CRPPA: variants seen among roughly 807,000 people sequenced by gnomAD.
CRPPA encodes the protein D-ribitol-5-phosphate cytidylyltransferase.
CRPPA carries 43 observed loss-of-function variants against 52.0 expected under a neutral mutation model. That is an observed-to-expected ratio of 0.83 (90% CI 0.65 to 1.07). CRPPA has a LOEUF of 1.07. Among genes scored for constraint, CRPPA ranks in the 50% least tolerant of loss-of-function variants. The pLI is 0.00. For synonymous variants in CRPPA, 250 were observed against 203.5 expected (o/e 1.23, Z -1.94); for missense variants, 629 against 551.7 (o/e 1.14, Z -1.40).
chr7:16,247,888 G>A (rs1783323012), intron 8 of CRPPA: 1 of 152,062 alleles, frequency 6.6e-6, no homozygotes, highest in South Asian at 2.1e-4. Flanking sequence ...CTCTTAGCTT[G>A]GTACAGGAAC....
chr7:16,247,595 G>T (rs1295330257), intron 8 of CRPPA, among the ~76,000 whole-genome samples: 1 of 152,126 alleles, frequency 6.6e-6, no homozygotes, highest in Non-Finnish European at 1.5e-5. Context: ...TTAAAATATT[G>T]TGAGAATTAG....
intron 3 of CRPPA, among the ~76,000 whole-genome samples, chr7:16,341,539 C>A (rs1287025803): frequency 6.6e-6 from 1 of 152,156 alleles, no homozygotes; most frequent in African/African-American, 2.4e-5. Flanking sequence ...ACCTACAAGT[C>A]CTGTTTGTTG....
chr7:16,177,125 T>C (rs1014191423), intron 9 of CRPPA, among the ~76,000 whole-genome samples: 24 of 152,004 alleles, frequency 1.6e-4, no homozygotes, highest in Non-Finnish European at 3.2e-4. Context: ...AGAAGAGAAA[T>C]CAATAGTTGG....
At chr7:16,257,545 T>C (rs1488877529) in intron 8 of CRPPA, among the ~76,000 whole-genome samples, 2 of 152,100 alleles carry the variant, frequency 1.3e-5, no homozygotes, top group Admixed American at 1.3e-4. Flanking sequence ...GTTGCTAATT[T>C]GTTACTACTT....
At chr7:16,153,422 C>G (rs1013492580) in intron 9 of CRPPA, among the ~76,000 whole-genome samples, 1 of 151,858 alleles carries the variant, frequency 6.6e-6, no homozygotes, top group African/African-American at 2.4e-5. Context: ...GTATCAGTAG[C>G]CTATGAACTC....
chr7:16,197,870 C>G (rs1403854447), intron 9 of CRPPA, among the ~76,000 whole-genome samples: 1 of 150,088 alleles, frequency 6.7e-6, no homozygotes, highest in Non-Finnish European at 1.5e-5. Context: ...CCCGTGCTCT[C>G]TGAAATGTGT....
chr7:16,337,865 C>G (rs1489802545), intron 3 of CRPPA, among the ~76,000 whole-genome samples: 2 of 152,086 alleles, frequency 1.3e-5, no homozygotes, highest in Admixed American at 1.3e-4. Flanking sequence ...CTAAGTTTCC[C>G]CCAGAAAAGC....
intron 3 of CRPPA, among the ~76,000 whole-genome samples, chr7:16,343,641 C>T (rs553024647): frequency 8.1e-6 from 1 of 123,624 alleles, no homozygotes; most frequent in African/African-American, 3.1e-5. Context: ...ATGGTGATCA[C>T]AGTTGAGGCG....
At chr7:16,275,432 A>T (rs182417876) in intron 6 of CRPPA, among the ~76,000 whole-genome samples, 84 of 152,306 alleles carry the variant, frequency 5.5e-4, no homozygotes, top group Admixed American at 4.8e-3. Context: ...AGGGAGGTGC[A>T]CTAGGAATAA....
chr7:16,208,506 T>G (rs28640135), intron 9 of CRPPA, among the ~76,000 whole-genome samples: 9,488 of 152,154 alleles, frequency 0.062, 773 homozygotes, highest in East Asian at 0.3. Context: ...CATAAAGATC[T>G]TCTAAATTAT....
At chr7:16,165,385 G>C (rs1202819927) in intron 9 of CRPPA, among the ~76,000 whole-genome samples, 7 of 152,092 alleles carry the variant, frequency 4.6e-5, no homozygotes, top group Non-Finnish European at 1.0e-4. Context: ...ATTTACATTT[G>C]TCTCACAAAC....
At chr7:16,291,481 G>A (rs1257674196) in intron 5 of CRPPA, among the ~76,000 whole-genome samples, 2 of 151,790 alleles carry the variant, frequency 1.3e-5, no homozygotes, top group Non-Finnish European at 2.9e-5. Context: ...TATAGGCCAG[G>A]AAGAGAAAGA....
intron 2 of CRPPA, among the ~76,000 whole-genome samples, chr7:16,389,214 T>A (rs574373921): frequency 6.6e-6 from 1 of 152,122 alleles, no homozygotes; most frequent in Non-Finnish European, 1.5e-5. Flanking sequence ...CTCAAACTTG[T>A]CCAAAAAATA....
chr7:16,372,975 G>T (rs1373625501), intron 3 of CRPPA, among the ~76,000 whole-genome samples: 2 of 152,184 alleles, frequency 1.3e-5, no homozygotes, highest in Non-Finnish European at 2.9e-5. Context: ...CTTTGAGGAG[G>T]TGATGTTTGC....
intron 2 of CRPPA, among the ~76,000 whole-genome samples, chr7:16,389,920 A>AT (rs1325768493): frequency 3.5e-4 from 23 of 65,024 alleles, no homozygotes; most frequent in East Asian, 3.0e-3. Context: ...ATACAAAAAA[A>AT]AAAAAAAAAT....
intron 3 of CRPPA, among the ~76,000 whole-genome samples, chr7:16,332,010 T>C (rs371853711): frequency 6.6e-6 from 1 of 152,050 alleles, no homozygotes; most frequent in South Asian, 2.1e-4. Flanking sequence ...GCAAGGTAAA[T>C]GCCAAACAAT....
At chr7:16,246,396 G>A (rs770069269) in intron 8 of CRPPA, among the ~76,000 whole-genome samples, 6 of 152,002 alleles carry the variant, frequency 3.9e-5, no homozygotes, top group Admixed American at 1.3e-4. Context: ...AAGTCACATC[G>A]CTCCAAGTCT....
At chr7:16,116,470 G>A (rs1309300576) in intron 9 of CRPPA, among the ~76,000 whole-genome samples, 1 of 152,022 alleles carries the variant, frequency 6.6e-6, no homozygotes, top group Non-Finnish European at 1.5e-5. Context: ...TTCAAGACCA[G>A]CCTGGCCAAC....
intron 3 of CRPPA, among the ~76,000 whole-genome samples, chr7:16,343,654 C>A (rs1325600930): frequency 1.3e-5 from 2 of 151,284 alleles, no homozygotes; most frequent in Non-Finnish European, 2.9e-5. Flanking sequence ...TTGAGGCGCA[C>A]AAGAAGCTAC....
Sources: gnomAD v4.1 joint callset for allele counts (sites outside exome capture counted in the v4.1 genomes callset) on GRCh38, gnomAD v4.1.1 for gene constraint, MANE v1.5 for transcripts, NCBI Gene and HGNC (gene_info 2026-07-23, HGNC 2026-07-21) for gene names.